Variants in HTR1F observed in about 807,000 individuals in gnomAD.
HTR1F encodes 5-hydroxytryptamine (serotonin) receptor 1F, G protein-coupled.
HTR1F carries 17 observed loss-of-function variants against 24.0 expected under a neutral mutation model. The observed-to-expected ratio is 0.71, with a 90% CI of 0.48 to 1.06. The LOEUF is 1.06. Ranked by LOEUF, HTR1F falls within the 50% of genes least tolerant of loss-of-function variation. The probability of loss-of-function intolerance (pLI) is 0.00; values close to 1 mark genes in which losing one functional copy is unlikely to be tolerated. For missense variants in HTR1F, 391 were observed against 427.8 expected (o/e 0.91, Z 0.76); for synonymous variants, 186 against 156.8 (o/e 1.19, Z -1.39).
chr3:87,882,709 G>T (rs1227273392), intron 2 of HTR1F, among the ~76,000 whole-genome samples: 6 of 118,584 alleles, frequency 5.1e-5, no homozygotes, highest in African/African-American at 9.7e-5. Flanking sequence ...CTGTTGTGGG[G>T]TCGGGGGAGG....
At chr3:87,951,403 A>G (rs953315511) in intron 2 of HTR1F, among the ~76,000 whole-genome samples, 1 of 152,150 alleles carries the variant, frequency 6.6e-6, no homozygotes, top group Non-Finnish European at 1.5e-5. Context: ...AAAAACAAGT[A>G]AAATAAGCAT....
At chr3:87,831,731 C>T (rs1559598158) in intron 2 of HTR1F, among the ~76,000 whole-genome samples, 2 of 152,164 alleles carry the variant, frequency 1.3e-5, no homozygotes, top group Non-Finnish European at 2.9e-5. Context: ...TCCCAGAAAT[C>T]TTATACTAAT....
Position 87,991,485 on chromosome 3 carries a change from G to C in HTR1F, c.736G>C (p.Val246Leu), listed in dbSNP as rs767696253. 6.2e-7 allele frequency: 1 copy of C among 1,613,934 alleles called. No individual in the cohort carries two copies. The highest frequency in any genetic ancestry group is 2.2e-5 in the East Asian group (1 of 44,884). The change falls in exon 3 of 3, where the codon GTA becomes CTA. Residue 246 changes from valine to leucine, a missense_variant. Val to Leu is a conservative substitution (Grantham distance 32, BLOSUM62 1). Transcript: ENST00000319595. ...KSTKSVSTSYVLEKSLSDPST... is the reference protein window; with the variant it reads ...KSTKSVSTSYLLEKSLSDPST... ...CACTAAATCAGTTTCCACATCCTAT[G>C]TACTAGAAAAGTCTTTATCTGACCC...
intron 2 of HTR1F, among the ~76,000 whole-genome samples, chr3:87,835,294 C>G (rs1395139822): frequency 1.4e-5 from 2 of 140,264 alleles, no homozygotes; most frequent in African/African-American, 5.6e-5. Context: ...GCAAACCCAA[C>G]CCCACCCCCA....
intron 2 of HTR1F, among the ~76,000 whole-genome samples, chr3:87,942,118 G>C (rs1418139289): frequency 2.0e-5 from 3 of 151,994 alleles, no homozygotes; most frequent in Non-Finnish European, 4.4e-5. Context: ...CCTCAAGCAG[G>C]GGACAACAAA....
chr3:87,881,823 C>T (rs1559617276), intron 2 of HTR1F, among the ~76,000 whole-genome samples: 1 of 152,054 alleles, frequency 6.6e-6, no homozygotes, highest in Non-Finnish European at 1.5e-5. Flanking sequence ...GTCTAAACAC[C>T]AAAAGCAATG....
intron 2 of HTR1F, among the ~76,000 whole-genome samples, chr3:87,857,363 A>G (rs1455432368): frequency 6.6e-6 from 1 of 152,108 alleles, no homozygotes; most frequent in African/African-American, 2.4e-5. Flanking sequence ...GAAGAATATA[A>G]AATAGGAAAT....
intron 2 of HTR1F, among the ~76,000 whole-genome samples, chr3:87,873,210 G>A (rs1705598960): frequency 6.6e-6 from 1 of 151,906 alleles, no homozygotes; most frequent in Non-Finnish European, 1.5e-5. Flanking sequence ...TCTGCCATCT[G>A]CAAGCTGGAG....
intron 2 of HTR1F, among the ~76,000 whole-genome samples, chr3:87,889,228 A>G (rs2107301438): frequency 6.6e-6 from 1 of 152,236 alleles, no homozygotes; most frequent in African/African-American, 2.4e-5. Context: ...AGCCAGCAGA[A>G]CCATAAGTTA....
At chr3:87,803,743 A>G (rs1167377363) in intron 1 of HTR1F, among the ~76,000 whole-genome samples, 4 of 152,342 alleles carry the variant, frequency 2.6e-5, no homozygotes, top group African/African-American at 9.6e-5. Context: ...CCCAGTGTAC[A>G]AACAATGGAG....
chr3:87,910,506 C>T (rs186877161), intron 2 of HTR1F, among the ~76,000 whole-genome samples: 72 of 152,108 alleles, frequency 4.7e-4, no homozygotes, highest in Non-Finnish European at 4.4e-5. Context: ...GACTTAGAGT[C>T]CCGCACAATA....
At chr3:87,835,393 A>G (rs987185986) in intron 2 of HTR1F, among the ~76,000 whole-genome samples, 2 of 151,848 alleles carry the variant, frequency 1.3e-5, no homozygotes, top group African/African-American at 4.8e-5. Context: ...AGAGCATTAA[A>G]CCCCAATCGG....
At chr3:87,835,459 C>T (rs1327335264) in intron 2 of HTR1F, among the ~76,000 whole-genome samples, 1 of 152,198 alleles carries the variant, frequency 6.6e-6, no homozygotes, top group African/African-American at 2.4e-5. Context: ...CAGATTACAA[C>T]ATAATGAAAT....
At chr3:87,942,216 G>A (rs1576067400) in intron 2 of HTR1F, among the ~76,000 whole-genome samples, 1 of 152,162 alleles carries the variant, frequency 6.6e-6, no homozygotes, top group East Asian at 1.9e-4. Context: ...GGGCTTTCAG[G>A]CATAATTAGA....
intron 2 of HTR1F, among the ~76,000 whole-genome samples, chr3:87,938,933 CA>C (rs1201525511): frequency 3.3e-5 from 5 of 152,292 alleles, no homozygotes; most frequent in African/African-American, 1.2e-4. Context: ...CAAAAATTGA[CA>C]TATGGATCTA....
At chr3:87,951,997 G>T (rs762193674) in intron 2 of HTR1F, among the ~76,000 whole-genome samples, 20 of 151,954 alleles carry the variant, frequency 1.3e-4, no homozygotes, top group Non-Finnish European at 7.4e-5. Context: ...TTCATGACTT[G>T]ATAGCTTATT....
At chr3:87,952,909 C>T (rs2107464867) in intron 2 of HTR1F, among the ~76,000 whole-genome samples, 1 of 151,618 alleles carries the variant, frequency 6.6e-6, no homozygotes, top group South Asian at 2.1e-4. Flanking sequence ...ATAAAAGTTA[C>T]CTCATGTATA....
At chr3:87,844,506 T>G (rs1485637013) in intron 2 of HTR1F, among the ~76,000 whole-genome samples, 8 of 136,166 alleles carry the variant, frequency 5.9e-5, no homozygotes, top group African/African-American at 2.6e-4. Context: ...GTAGTTTGTT[T>G]TGCTGTGCAG....
In HTR1F at chr3:87,929,695, T is replaced by C. The variant is rs1167332762; in HGVS notation, c.-42-61013T>C. On this transcript the variant is annotated intron_variant, in intron 2 of 2. Transcript: ENST00000319595. ...TGTAGCAGGACCATGCTGTTTTGGTTACTGTAGCCTTGTAAGATAGTTTGA... is the reference window on the plus strand; with the variant it reads ...TGTAGCAGGACCATGCTGTTTTGGTCACTGTAGCCTTGTAAGATAGTTTGA... Among the ~76,000 whole-genome samples, 4 of 152,324 alleles carry C rather than the reference T, an allele frequency of 2.6e-5. No individual in the cohort carries two copies. In the East Asian group the frequency reaches 7.7e-4, roughly 29 times the overall value.
Sources: gnomAD v4.1 joint callset for allele counts (sites outside exome capture counted in the v4.1 genomes callset) on GRCh38, gnomAD v4.1.1 for gene constraint, MANE v1.5 for transcripts, NCBI Gene and HGNC (gene_info 2026-07-23, HGNC 2026-07-21) for gene names.